Variants in FREM3 observed in about 807,000 individuals in gnomAD.
The protein encoded by FREM3 is FRAS1 related extracellular matrix 3, also known as FRAS1-related extracellular matrix protein 3.
FREM3 carries 105 observed loss-of-function variants against 129.1 expected under a neutral mutation model. The observed-to-expected ratio is 0.81, with a 90% CI of 0.69 to 0.96. FREM3 has a LOEUF of 0.96. Ranked by LOEUF, FREM3 falls within the 40% of genes least tolerant of loss-of-function variation. The pLI, the probability that FREM3 is intolerant of heterozygous loss-of-function variation, is 0.00. For synonymous variants in FREM3, 1,014 were observed against 1,044.9 expected (o/e 0.97, Z 0.57); for missense variants, 2,593 against 2,666.3 (o/e 0.97, Z 0.61).
chr4:143,626,120 A>C (rs896358273), intron 3 of FREM3, among the ~76,000 whole-genome samples: 3 of 151,992 alleles, frequency 2.0e-5, no homozygotes, highest in Admixed American at 6.6e-5. Flanking sequence ...TCTGATTGAG[A>C]TGGTTTAGAG....
intron 2 of FREM3, among the ~76,000 whole-genome samples, chr4:143,688,270 CA>C (rs1560873283): frequency 6.6e-6 from 1 of 151,994 alleles, no homozygotes; most frequent in East Asian, 1.9e-4. Flanking sequence ...AAAATAGCTG[CA>C]AAAAATAAAT....
At chr4:143,664,873 G>A (rs575631206) in intron 2 of FREM3, among the ~76,000 whole-genome samples, 1 of 152,274 alleles carries the variant, frequency 6.6e-6, no homozygotes, top group African/African-American at 2.4e-5. Flanking sequence ...AGACTCCGTG[G>A]GCGTAGGACC....
chr4:143,584,647 A>G (rs1007252175), intron 7 of FREM3, among the ~76,000 whole-genome samples: 9 of 152,322 alleles, frequency 5.9e-5, no homozygotes, highest in Admixed American at 2.0e-4. Context: ...TTAAAGACCT[A>G]TGAAGAGACT....
In FREM3 at chr4:143,695,703, C is replaced by T; in HGVS notation, c.4973G>A (p.Arg1658Lys). The part of the protein sequence containing the change: ...MRVQIRSLDN[R>K]LPQITTNRGA... ...CCTGTTGGTAGTAATCTGGGGAAGC[C>T]TATTGTCTAATGATCTTATCTGGAC... Residue 1658 changes from arginine to lysine, a missense_variant, in exon 1 of 8, where the codon AGG (arginine) becomes AAG (lysine). Physicochemically the swap from Arg to Lys is conservative, Grantham distance 26. This residue lies in a region of FREM3 where 2,276 missense variants were observed against 2,267.2 expected (regional missense o/e 1.00). Transcript: ENST00000329798. 3.9e-6 allele frequency: 6 copies of T among 1,537,240 alleles called. No individual in the cohort carries two copies. The highest frequency in any genetic ancestry group is 4.4e-6 in the Non-Finnish European group (5 of 1,146,916).
intron 2 of FREM3, among the ~76,000 whole-genome samples, chr4:143,659,052 C>T (rs1225533764): frequency 6.9e-6 from 1 of 145,776 alleles, no homozygotes; most frequent in African/African-American, 2.5e-5. Context: ...TTTTATGTGC[C>T]CCCACTTGAA....
chr4:143,647,788 A>T lies in FREM3; in HGVS notation c.5276-20028T>A, dbSNP rs373328891. Reference sequence around the variant, plus strand: ...AAGTTTGCTGTGGATGTGAAGCCCTATGGAGAACCCCTTTTAGGGCAGTGC... The same window carrying T: ...AAGTTTGCTGTGGATGTGAAGCCCTTTGGAGAACCCCTTTTAGGGCAGTGC... On this transcript the variant is annotated intron_variant, in intron 2 of 7. Transcript: ENST00000329798. 6.8e-4 allele frequency among the ~76,000 whole-genome samples: 103 copies of T among 152,268 alleles called. 1 individual carries two copies. The highest frequency in any genetic ancestry group is 2.3e-3 in the African/African-American group (96 of 41,550).
rs988528305 is a variant in FREM3 at position 143,696,500 on chromosome 4, T to C, written c.4176A>G (p.Gln1392=). 6.5e-7 allele frequency: 1 copy of C among 1,537,664 alleles called. No individual in the cohort carries two copies. The highest frequency in any genetic ancestry group is 2.4e-5 in the East Asian group (1 of 40,906). Residue 1392 remains glutamine (Q), a synonymous_variant, in exon 1 of 8, where the codon CAA becomes CAG. Transcript: ENST00000329798. ...RGLICYIHTG[Q]EGIVDIIKFD... ...ACTTGATAATGTCAACAATCCCTTC[T>C]TGGCCTGTGTGGATATAGCAGATGA...
At chr4:143,644,200 TGC>T (rs1443603060) in intron 2 of FREM3, among the ~76,000 whole-genome samples, 4 of 142,084 alleles carry the variant, frequency 2.8e-5, no homozygotes, top group Non-Finnish European at 4.7e-5. Context: ...TGTGTGTGTG[TGC>T]GCGTGTGCAT....
chr4:143,682,198 C>T (rs1740265073), intron 2 of FREM3, among the ~76,000 whole-genome samples: 2 of 152,132 alleles, frequency 1.3e-5, no homozygotes, highest in East Asian at 3.8e-4. Context: ...GGACCTAAGG[C>T]TGTTTCACAC....
chr4:143,699,922 A>T lies in FREM3; in HGVS notation c.754T>A (p.Tyr252Asn). ...CEAFLRAGVR[Y>N]QHTATSSPNR... is the part of the protein sequence containing the mutation. Reference sequence around the variant, plus strand: ...GGCGAGGAGGTGGCTGTGTGCTGATAGCGCACCCCAGCACGGAGGAAAGCC... The same window carrying T: ...GGCGAGGAGGTGGCTGTGTGCTGATTGCGCACCCCAGCACGGAGGAAAGCC... The change falls in exon 1 of 8, where the codon TAT (tyrosine) becomes AAT (asparagine). Residue 252 changes from tyrosine (Y) to asparagine (N), a missense_variant. Transcript: ENST00000329798. This position sits in a 1 kb window ranked among gnomAD's most constrained non-coding sequence, Gnocchi z 4.2. The T allele has an allele frequency of 2.0e-6, 3 of 1,535,652 alleles. No individual in the cohort carries two copies. The highest frequency in any genetic ancestry group is 2.6e-6 in the Non-Finnish European group (3 of 1,146,322).
intron 5 of FREM3, among the ~76,000 whole-genome samples, chr4:143,614,607 A>T (rs1469887409): frequency 6.6e-6 from 1 of 152,180 alleles, no homozygotes; most frequent in Non-Finnish European, 1.5e-5. Flanking sequence ...TTGTTTGCAG[A>T]GGTAGATTAT....
Position 143,621,261 on chromosome 4 carries a change from A to G in FREM3, c.5654-99T>C, listed in dbSNP as rs1394999415. ...AATGTACAAAGCCTTTGACTCTTAT[A>G]TTTTCCAACATGATTAACTGTATTA... On this transcript the variant is annotated intron_variant, in intron 4 of 7. Transcript: ENST00000329798. 15 of 1,063,804 alleles carry G rather than the reference A, an allele frequency of 1.4e-5. No individual in the cohort carries two copies. In the East Asian group the frequency reaches 3.6e-4, roughly 26 times the overall value. The allele number at this position is 1,063,804 out of a possible 1,614,324, so 65.9% of individuals were successfully genotyped here. A position where few individuals can be genotyped will look rare whatever the true frequency, so the allele number is the denominator to read the frequency against.
intron 2 of FREM3, among the ~76,000 whole-genome samples, chr4:143,689,533 A>G (rs1461784200): frequency 6.6e-6 from 1 of 152,140 alleles, no homozygotes; most frequent in Non-Finnish European, 1.5e-5. Context: ...ACTACTAGGT[A>G]TTTACCCAGA....
intron 6 of FREM3, among the ~76,000 whole-genome samples, chr4:143,598,221 C>T (rs771287434): frequency 1.6e-4 from 24 of 152,206 alleles, no homozygotes; most frequent in Non-Finnish European, 2.9e-4. Flanking sequence ...CATCAGTGGT[C>T]TGAGGCAGGT....
intron 2 of FREM3, among the ~76,000 whole-genome samples, chr4:143,659,070 ATTTTATTTATTAT>A (rs911429348): frequency 3.2e-5 from 4 of 123,446 alleles, no homozygotes; most frequent in Admixed American, 8.6e-5. Flanking sequence ...GAATTTCTTT[ATTTTATTTATTAT>A]TTTTATTTAT....
chr4:143,671,817 A>G (rs377598046), intron 2 of FREM3, among the ~76,000 whole-genome samples: 4 of 152,352 alleles, frequency 2.6e-5, no homozygotes, highest in East Asian at 1.9e-4. Context: ...GATACATGAG[A>G]AATGCAGCTA....
intron 2 of FREM3, among the ~76,000 whole-genome samples, chr4:143,674,033 C>T (rs1238501734): frequency 6.6e-6 from 1 of 152,260 alleles, no homozygotes; most frequent in South Asian, 2.1e-4. Context: ...TGACCCCTTG[C>T]ACTTCCTGGG....
chr4:143,689,160 G>A (rs953198092), intron 2 of FREM3, among the ~76,000 whole-genome samples: 1 of 151,924 alleles, frequency 6.6e-6, no homozygotes, highest in South Asian at 2.1e-4. Context: ...AATTTACGAC[G>A]AACTCAAACA....
At position 143,698,830 on chromosome 4, in the gene FREM3, G is replaced by A. The variant is rs1740632362; in HGVS notation, c.1846C>T (p.Gln616Ter). ...GTTGAGAGAGGTAGTTCAGCCTGCT[G>A]CAGCAACAGGTCCCCCAGGTAGTGG... ...SGHYLGDLLL[Q>*]QAELPLSTED... The change falls in exon 1 of 8, where the codon CAG (glutamine) becomes TAG (stop). Residue 616 changes from glutamine (Q) to a stop codon, truncating the protein, a stop_gained. Transcript: ENST00000329798. LOFTEE classifies it high-confidence loss of function. 1 of 1,537,778 alleles carries A rather than the reference G, an allele frequency of 6.5e-7. No homozygotes were observed.
Sources: gnomAD v4.1 joint callset for allele counts (sites outside exome capture counted in the v4.1 genomes callset) on GRCh38, gnomAD v4.1.1 for gene constraint, gnomAD v4.1.1 regional missense constraint, Gnocchi (gnomAD v3.1) non-coding constraint, MANE v1.5 for transcripts, NCBI Gene and HGNC (gene_info 2026-07-23, HGNC 2026-07-21) for gene names.